The following ABHD18 variants were observed in gnomAD, a reference collection of about 807,000 sequenced individuals.
ABHD18 encodes cardiolipin-specific deacylase, mitochondrial.
ABHD18 carries 55 observed loss-of-function variants against 65.9 expected under a neutral mutation model. That is an observed-to-expected ratio of 0.84 (90% CI 0.67 to 1.05). The LOEUF (loss-of-function observed/expected upper bound fraction) is 1.05, where lower values mean the gene tolerates loss of function less well. ABHD18 is among the 50% of genes least tolerant of loss of function. The pLI, the probability that ABHD18 is intolerant of heterozygous loss-of-function variation, is 0.00. For synonymous variants in ABHD18, 181 were observed against 180.2 expected (o/e 1.00, Z -0.04); for missense variants, 533 against 558.5 (o/e 0.95, Z 0.46).
chr4:128,039,085 CGTAT>C lies in ABHD18; in HGVS notation c.*3275_*3278del, dbSNP rs554223655. ...CGTTTTATATATATATACACACACA[CGTAT>C]GTGTGTATATATATGTATGTACGTA... On this transcript the variant is annotated 3_prime_UTR_variant, in exon 13 of 13. Coordinates refer to ENST00000645843, the MANE Select transcript of ABHD18 (RefSeq NM_001358451.3). 4.9e-3 allele frequency: 667 copies of C among 137,424 alleles called. 10 individuals are homozygous for C. The highest frequency in any genetic ancestry group is 0.017 in the African/African-American group (641 of 38,340). The allele number at this position is 137,424 out of a possible 1,614,324, so 8.5% of individuals were successfully genotyped here.
At chr4:128,013,977 C>CTTTTTTTTTT (rs61303818) in intron 7 of ABHD18, among the ~76,000 whole-genome samples, 2 of 115,122 alleles carry the variant, frequency 1.7e-5, no homozygotes, top group Non-Finnish European at 3.5e-5. Context: ...GAATTTCCAC[C>CTTTTTTTTTT]TTTTTTTTTT....
chr4:127,986,506 A>G (rs1749982260), intron 3 of ABHD18, among the ~76,000 whole-genome samples: 1 of 152,212 alleles, frequency 6.6e-6, no homozygotes, highest in Non-Finnish European at 1.5e-5. Context: ...TGGCTATTAT[A>G]AATAATGCTG....
chr4:127,987,653 A>T (rs1278881007), intron 3 of ABHD18, among the ~76,000 whole-genome samples: 8 of 151,902 alleles, frequency 5.3e-5, no homozygotes, highest in Admixed American at 5.3e-4. Context: ...CAGAGGTTGC[A>T]GTGAGTCGAG....
rs1428481661 is a variant in ABHD18 at position 128,030,558 on chromosome 4, C to T, written c.1229C>T (p.Ala410Val). The change falls in exon 12 of 13, where the codon GCC (alanine) becomes GTC (valine). Residue 410 changes from alanine to valine, a missense_variant. Ala to Val is a moderately conservative substitution (Grantham distance 64, BLOSUM62 0). This residue lies in a region of ABHD18 where 220 missense variants were observed against 226.8 expected (regional missense o/e 0.97). Coordinates refer to ENST00000645843, the MANE Select transcript of ABHD18 (RefSeq NM_001358451.3). ...LIIVVQAKED[A>V]YIPRTGVRSL... is the part of the protein sequence containing the mutation. ...ATAGTGGTTCAAGCCAAAGAAGATG[C>T]CTATATTCCACGAACAGGAGTTCGA... 5 of 1,605,680 alleles carry T rather than the reference C, an allele frequency of 3.1e-6. No individual in the cohort carries two copies. The highest frequency in any genetic ancestry group is 4.2e-6 in the Non-Finnish European group (5 of 1,178,494).
intron 10 of ABHD18, among the ~76,000 whole-genome samples, chr4:128,025,366 G>A (rs1235629770): frequency 1.3e-5 from 2 of 152,018 alleles, no homozygotes; most frequent in Admixed American, 6.6e-5. Flanking sequence ...TCAAACTCCT[G>A]GGCTAAAGCA....
At chr4:127,970,583 C>CT (rs1250751189) in intron 1 of ABHD18, among the ~76,000 whole-genome samples, 1 of 128,740 alleles carries the variant, frequency 7.8e-6, no homozygotes, top group Non-Finnish European at 1.6e-5. Context: ...GAGTGAAACT[C>CT]TGTCTCAAAA....
chr4:128,028,980 T>C, intron 11 of ABHD18, 127 bp downstream of exon 11: 1 of 713,932 alleles, frequency 1.4e-6, no homozygotes, highest in East Asian at 3.0e-5. Flanking sequence ...CTCCAGAATA[T>C]GTTTGCAAAG....
intron 4 of ABHD18, among the ~76,000 whole-genome samples, chr4:127,993,895 G>T (rs1304770896): frequency 1.3e-5 from 2 of 152,170 alleles, no homozygotes; most frequent in African/African-American, 4.8e-5. Context: ...GGAATTTCTG[G>T]ATTTATAAGA....
chr4:128,039,167 A>G lies in ABHD18; in HGVS notation c.*3354A>G, dbSNP rs1247756220. On this transcript the variant is annotated 3_prime_UTR_variant, in exon 13 of 13. Coordinates refer to ENST00000645843, the MANE Select transcript of ABHD18 (RefSeq NM_001358451.3). ...TGCATATATATATATATATATATAT[A>G]TATATATATATATATATAATCTCAA... 10 of 138,330 alleles carry G rather than the reference A, an allele frequency of 7.2e-5. No homozygotes were observed. The highest frequency in any genetic ancestry group is 2.9e-4 in the African/African-American group (10 of 34,528). The allele number at this position is 138,330 out of a possible 1,614,324, so 8.6% of individuals were successfully genotyped here.
intron 1 of ABHD18, among the ~76,000 whole-genome samples, chr4:127,976,564 G>T (rs1047017103): frequency 1.4e-4 from 21 of 152,038 alleles, no homozygotes; most frequent in Non-Finnish European, 2.1e-4. Context: ...TCAGCCTTTT[G>T]TGGAAAAACT....
chr4:127,989,503 C>T (rs529531273), intron 3 of ABHD18, among the ~76,000 whole-genome samples: 15 of 151,950 alleles, frequency 9.9e-5, no homozygotes, highest in South Asian at 6.2e-4. Flanking sequence ...CATTACAACT[C>T]GTATGCCTGT....
chr4:127,967,333 AAC>A (rs1488689548), intron 1 of ABHD18, among the ~76,000 whole-genome samples: 8 of 152,140 alleles, frequency 5.3e-5, no homozygotes, highest in South Asian at 2.1e-4. Flanking sequence ...ACTAACAAGC[AAC>A]AGAGCTAGAA....
At chr4:127,969,320 A>G (rs1746281917) in intron 1 of ABHD18, among the ~76,000 whole-genome samples, 1 of 150,592 alleles carries the variant, frequency 6.6e-6, no homozygotes, top group African/African-American at 2.4e-5. Flanking sequence ...ACCTGCCTCA[A>G]CCTCCCAAGT....
intron 9 of ABHD18, 57 bp downstream of exon 9, chr4:128,020,226 G>A (rs953838678): frequency 7.7e-6 from 11 of 1,420,538 alleles, no homozygotes; most frequent in Non-Finnish European, 8.8e-6. Flanking sequence ...TAATTGTTTT[G>A]GGGGGGTCCC....
At chr4:128,030,385 TA>T in intron 11 of ABHD18, 124 bp from the exon 12 acceptor site, 1 of 603,384 alleles carries the variant, frequency 1.7e-6, no homozygotes, top group Non-Finnish European at 2.6e-6. Context: ...TAAGGTAGCA[TA>T]TTATAGTTGA....
intron 4 of ABHD18, among the ~76,000 whole-genome samples, chr4:128,007,523 C>G (rs752840834): frequency 2.0e-5 from 3 of 151,970 alleles, no homozygotes; most frequent in East Asian, 1.9e-4. Context: ...GGGAGGATCA[C>G]TTGAGTCTAG....
chr4:127,995,923 G>A (rs1166833666), intron 4 of ABHD18, among the ~76,000 whole-genome samples: 2 of 152,218 alleles, frequency 1.3e-5, no homozygotes, highest in South Asian at 2.1e-4. Context: ...AATTCCCTGT[G>A]TCTAACATAA....
intron 1 of ABHD18, among the ~76,000 whole-genome samples, chr4:127,978,770 C>T (rs1283573602): frequency 1.3e-5 from 2 of 152,056 alleles, no homozygotes; most frequent in African/African-American, 2.4e-5. Flanking sequence ...TTCTCTTAGC[C>T]ACAGTGATAT....
intron 3 of ABHD18, among the ~76,000 whole-genome samples, chr4:127,986,301 T>G (rs1340132869): frequency 6.6e-6 from 1 of 152,222 alleles, no homozygotes. Context: ...GCTTCTTCAC[T>G]TAGCATAATG....
Sources: gnomAD v4.1 joint callset for allele counts (sites outside exome capture counted in the v4.1 genomes callset) on GRCh38, gnomAD v4.1.1 for gene constraint, gnomAD v4.1.1 regional missense constraint, MANE v1.5 for transcripts, NCBI Gene and HGNC (gene_info 2026-07-23, HGNC 2026-07-21) for gene names.